The following TCF20 variants were observed in gnomAD, a reference collection of about 807,000 sequenced individuals.
The protein encoded by TCF20 is SPRE-binding protein.
A neutral mutation model predicts 148.6 loss-of-function variants in TCF20; 3 were observed. The observed-to-expected ratio is 0.02, with a 90% CI of 0.01 to 0.05. The LOEUF (loss-of-function observed/expected upper bound fraction) is 0.05, where lower values mean the gene tolerates loss of function less well. Ranked by LOEUF, TCF20 falls within the 10% of genes least tolerant of loss-of-function variation. The probability of loss-of-function intolerance (pLI) is 1.00; values close to 1 mark genes in which losing one functional copy is unlikely to be tolerated. For missense variants in TCF20, 2,350 were observed against 2,429.3 expected, an observed-to-expected ratio of 0.97 and a Z score of 0.69; for synonymous variants, 1,049 against 909.5, an observed-to-expected ratio of 1.15 and a Z score of -2.76.
chr22:42,240,138 G>A (rs932221516), intron 1 of TCF20, among the ~76,000 whole-genome samples: 5 of 152,176 alleles, frequency 3.3e-5, no homozygotes, highest in Non-Finnish European at 5.9e-5. Context: ...AGCCACCCAC[G>A]AGGTAGGTAC....
At chr22:42,186,741 T>C (rs1281867669) in intron 2 of TCF20, among the ~76,000 whole-genome samples, 2 of 152,214 alleles carry the variant, frequency 1.3e-5, no homozygotes, top group African/African-American at 2.4e-5. Flanking sequence ...ATTACTTTCA[T>C]TGTATCTCCC....
At chr22:42,250,072 T>C (rs1349182085) in intron 1 of TCF20, among the ~76,000 whole-genome samples, 2 of 152,066 alleles carry the variant, frequency 1.3e-5, no homozygotes, top group Non-Finnish European at 2.9e-5. Context: ...TGAAGTGCAC[T>C]ATGATCATGC....
At chr22:42,281,472 A>C (rs1231565247) in intron 1 of TCF20, among the ~76,000 whole-genome samples, 1 of 150,652 alleles carries the variant, frequency 6.6e-6, no homozygotes, top group Non-Finnish European at 1.5e-5. Flanking sequence ...GCCTCTCCCC[A>C]CTCTTCCCTT....
chr22:42,179,182 C>G (rs1003364400), intron 3 of TCF20, among the ~76,000 whole-genome samples: 6 of 151,842 alleles, frequency 4.0e-5, no homozygotes, highest in Non-Finnish European at 5.9e-5. Flanking sequence ...AAAGGTTAAA[C>G]AGAGTTACCA....
intron 1 of TCF20, among the ~76,000 whole-genome samples, chr22:42,237,397 C>T (rs929992239): frequency 2.6e-5 from 4 of 152,124 alleles, no homozygotes; most frequent in Non-Finnish European, 4.4e-5. Flanking sequence ...ACTTTTAATT[C>T]GAGTTCTCTT....
At chr22:42,262,965 C>G (rs1446561172) in intron 1 of TCF20, among the ~76,000 whole-genome samples, 1 of 152,170 alleles carries the variant, frequency 6.6e-6, no homozygotes, top group Non-Finnish European at 1.5e-5. Context: ...AGTCCAGTGT[C>G]TTAGTACATA....
At chr22:42,281,144 C>T (rs1926894159) in intron 1 of TCF20, among the ~76,000 whole-genome samples, 1 of 152,166 alleles carries the variant, frequency 6.6e-6, no homozygotes, top group African/African-American at 2.4e-5. Context: ...CTGCTTCCCG[C>T]CAATTTGGTT....
intron 2 of TCF20, among the ~76,000 whole-genome samples, chr22:42,205,036 T>C (rs1477976308): frequency 1.3e-5 from 2 of 152,066 alleles, no homozygotes; most frequent in Non-Finnish European, 2.9e-5. Context: ...AAGGGATCCA[T>C]GGCCACCAGA....
At chr22:42,182,274 C>T (rs1373988235) in intron 2 of TCF20, among the ~76,000 whole-genome samples, 1 of 152,332 alleles carries the variant, frequency 6.6e-6, no homozygotes, top group African/African-American at 2.4e-5. Context: ...AACCTACAGA[C>T]GTGGGACTAA....
chr22:42,250,497 T>G (rs1040268575), intron 1 of TCF20, among the ~76,000 whole-genome samples: 18 of 152,104 alleles, frequency 1.2e-4, no homozygotes, highest in Non-Finnish European at 2.1e-4. Context: ...TGTCCTTTTT[T>G]TATACTGTTT....
Position 42,183,420 on chromosome 22 carries a change from G to T in TCF20, c.5656-3718C>A, listed in dbSNP as rs189217189. Among the ~76,000 whole-genome samples, 266 of 152,268 alleles carry T rather than the reference G, an allele frequency of 1.7e-3. 1 individual carries two copies. Among genetic ancestry groups the T allele is most frequent in the Admixed American group, 4.2e-3 (64 of 15,296 alleles). On this transcript the variant is annotated intron_variant, in intron 2 of 5. Coordinates refer to ENST00000677622, the MANE Select transcript of TCF20 (RefSeq NM_001378418.1). The stretch of plus-strand genomic sequence containing the variant: ...ATCACACAGGCCCATAAAAGCAAAC[G>T]ATTCCCCCCCAGAGGGAGTTACAGT...
Position 42,215,233 on chromosome 22 carries a change from A to C in TCF20, c.73T>G (p.Ser25Ala), listed in dbSNP as rs116800891. 6.4e-5 allele frequency: 103 copies of C among 1,614,202 alleles called. No homozygotes were observed. In the African/African-American group the frequency reaches 1.3e-3, roughly 20 times the overall value. The part of the protein sequence containing the change: ...QSYPQEVHGS[S>A]RLEEFSPRQA... ...CGAGGGCTGAACTCTTCTAGCCGGG[A>C]TGAGCCGTGTACCTCCTGTGGGTAG... Residue 25 changes from serine (S) to alanine (A), a missense_variant, in exon 2 of 6, where the codon TCC becomes GCC. By Grantham distance (99) the Ser-to-Ala change is moderately conservative. This residue lies in a region of TCF20 where 1,641 missense variants were observed against 1,662.6 expected (regional missense o/e 0.99). Coordinates refer to ENST00000677622, the MANE Select transcript of TCF20 (RefSeq NM_001378418.1).
Position 42,317,915 on chromosome 22 carries a change from C to T in TCF20, c.-37+25564G>A, listed in dbSNP as rs1415469424. On this transcript the variant is annotated intron_variant, in intron 1 of 1. Coordinates refer to the TCF20 transcript ENST00000515426. The surrounding 1 kb of genome is among the most constrained non-coding windows in gnomAD (Gnocchi z 4.2). ...GGCACCCTCCTGGCTGCCTGCCGTG[C>T]ATGCCTGTCCATCCCCTGGCAGCCC... Among the ~76,000 whole-genome samples the T allele has an allele frequency of 6.6e-6, 1 of 152,242 alleles. No individual in the cohort carries two copies. The highest frequency in any genetic ancestry group is 1.5e-5 in the Non-Finnish European group (1 of 68,020).
rs1043200226 is a variant in TCF20, at chr22:42,290,641, C to T, written c.-37+52838G>A. ...GGAGGGTACCAGAGGAGAAGGAGCG[C>T]GTGCCCCTGAGCCCACTCGCTGTGG... On this transcript the variant is annotated intron_variant, in intron 1 of 1. Coordinates refer to the TCF20 transcript ENST00000515426. This position sits in a 1 kb window ranked among gnomAD's most constrained non-coding sequence, Gnocchi z 4.2. Among the ~76,000 whole-genome samples the T allele has an allele frequency of 2.3e-4, 35 of 152,286 alleles. No individual in the cohort carries two copies. The highest frequency in any genetic ancestry group is 1.0e-3 in the Admixed American group (16 of 15,306).
At chr22:42,168,868 C>G in intron 4 of TCF20, 132 bp from the exon 5 acceptor site, 1 of 1,238,974 alleles carries the variant, frequency 8.1e-7, no homozygotes, top group South Asian at 1.8e-5. Context: ...GACCGACAAA[C>G]AGGAGACATT....
intron 3 of TCF20, among the ~76,000 whole-genome samples, chr22:42,173,268 T>C (rs1394200718): frequency 1.4e-5 from 2 of 145,926 alleles, no homozygotes; most frequent in Admixed American, 1.4e-4. Flanking sequence ...ACAGAGCTCA[T>C]GCTCTTATTA....
intron 1 of TCF20, among the ~76,000 whole-genome samples, chr22:42,220,678 A>G: frequency 6.6e-6 from 1 of 152,154 alleles, no homozygotes; most frequent in East Asian, 1.9e-4. Flanking sequence ...ATGGAAGGAC[A>G]ACTGACAGGC....
chr22:42,201,552 G>C (rs996988256), intron 2 of TCF20, among the ~76,000 whole-genome samples: 1 of 152,164 alleles, frequency 6.6e-6, no homozygotes, highest in Non-Finnish European at 1.5e-5. Flanking sequence ...CGGATCAGTT[G>C]AGGTCAGGAG....
intron 3 of TCF20, among the ~76,000 whole-genome samples, chr22:42,171,191 C>T (rs1369448525): frequency 1.3e-5 from 2 of 152,148 alleles, no homozygotes; most frequent in Admixed American, 6.5e-5. Context: ...CTCTGCACAC[C>T]ACAGCTCCTG....
Sources: allele counts gnomAD v4.1 joint callset (sites outside exome capture counted in the v4.1 genomes callset), GRCh38; gene constraint gnomAD v4.1.1; regional missense constraint gnomAD v4.1.1; non-coding constraint Gnocchi (gnomAD v3.1); transcripts MANE v1.5; gene names NCBI Gene and HGNC (gene_info 2026-07-23, HGNC 2026-07-21).